The following PPP4R4 variants were observed in gnomAD, a reference collection of about 807,000 sequenced individuals.
PPP4R4 encodes the protein serine/threonine-protein phosphatase 4 regulatory subunit 4.
A neutral mutation model predicts 121.8 loss-of-function variants in PPP4R4; 70 were observed. That is an observed-to-expected ratio of 0.57 (90% confidence interval 0.47 to 0.70). PPP4R4 has a LOEUF of 0.70. Among genes scored for constraint, PPP4R4 ranks in the 30% least tolerant of loss-of-function variants. PPP4R4 has a pLI of 0.00. For synonymous variants in PPP4R4, 348 were observed against 355.7 expected, an observed-to-expected ratio of 0.98 and a Z score of 0.24; for missense variants, 875 against 1,033.6, an observed-to-expected ratio of 0.85 and a Z score of 2.10.
intron 3 of PPP4R4, among the ~76,000 whole-genome samples, chr14:94,215,984 T>C (rs1237965525): frequency 6.6e-6 from 1 of 152,216 alleles, no homozygotes; most frequent in Non-Finnish European, 1.5e-5. Flanking sequence ...AATATTGCCT[T>C]TCAGTAAATT....
intron 2 of PPP4R4, among the ~76,000 whole-genome samples, chr14:94,198,702 T>C (rs1244251965): frequency 2.6e-5 from 4 of 152,228 alleles, no homozygotes; most frequent in African/African-American, 4.8e-5. Context: ...ATTCTGTTTA[T>C]TGTTTCAGGT....
chr14:94,190,891 A>G (rs897710018), intron 2 of PPP4R4, among the ~76,000 whole-genome samples: 15 of 137,044 alleles, frequency 1.1e-4, no homozygotes, highest in African/African-American at 3.7e-4. Flanking sequence ...TTTTTTTACT[A>G]TGACCTTATC....
chr14:94,218,374 C>G lies in PPP4R4; in HGVS notation c.294+9808C>G, dbSNP rs947251117. On this transcript the variant is annotated intron_variant, in intron 3 of 24. Coordinates refer to ENST00000304338, the MANE Select transcript of PPP4R4 (RefSeq NM_058237.2). The stretch of plus-strand genomic sequence containing the variant: ...CACACACACCCTCACCCCTAGACAC[C>G]GCACGCGCGTGCACACACACACACA... Among the ~76,000 whole-genome samples, 4 of 142,840 alleles carry G rather than the reference C, an allele frequency of 2.8e-5. No homozygotes were observed. The East Asian group carries it at 6.3e-4, about 22-fold the overall frequency. 93.7% of individuals were successfully genotyped at this position (142,840 alleles called of 152,430 possible).
chr14:94,176,763 T>G (rs1888701029), intron 2 of PPP4R4, among the ~76,000 whole-genome samples: 1 of 152,230 alleles, frequency 6.6e-6, no homozygotes, highest in Non-Finnish European at 1.5e-5. Context: ...TCTTAAAAAC[T>G]AATACAGTGA....
chr14:94,273,297 TA>T lies in PPP4R4; in HGVS notation c.2450-2073del, dbSNP rs1392707707. The stretch of plus-strand genomic sequence containing the variant: ...CAGACAGTGGAATATTATGCAGTGC[TA>T]AAATGAAATGAGCTATCAGGCCATG... On this transcript the variant is annotated intron_variant, in intron 23 of 24. Coordinates refer to ENST00000304338, the MANE Select transcript of PPP4R4 (RefSeq NM_058237.2). 9.8e-5 allele frequency among the ~76,000 whole-genome samples: 15 copies of T among 152,294 alleles called. No individual in the cohort carries two copies. The East Asian group carries it at 2.5e-3, about 25-fold the overall frequency.
At chr14:94,259,242 T>C (rs1243634950) in intron 18 of PPP4R4, 53 bp from the exon 19 acceptor site, 3 of 1,553,352 alleles carry the variant, frequency 1.9e-6, no homozygotes, top group Non-Finnish European at 2.6e-6. Context: ...TATTTTAAAC[T>C]TGGCAGAAAC....
In PPP4R4 at chr14:94,279,476, G is replaced by T. The variant is rs1026779315; in HGVS notation, c.*833G>T. 1 of 152,550 alleles carries T rather than the reference G, an allele frequency of 6.6e-6. No individual in the cohort carries two copies. Among genetic ancestry groups the T allele is most frequent in the Non-Finnish European group, 1.5e-5 (1 of 68,032 alleles). The allele number at this position is 152,550 out of a possible 1,614,324, so 9.4% of individuals were successfully genotyped here. A position where few individuals can be genotyped will look rare whatever the true frequency, so the allele number is the denominator to read the frequency against. On this transcript the variant is annotated 3_prime_UTR_variant, in exon 25 of 25. Coordinates refer to ENST00000304338, the MANE Select transcript of PPP4R4 (RefSeq NM_058237.2). ...AATGCTAATATTTCCATCAAAATTT[G>T]CCTGTGGAATATATACAGTTCTTAA...
chr14:94,266,777 A>G (rs548800270), intron 22 of PPP4R4, among the ~76,000 whole-genome samples, 182 bp from the exon 23 acceptor site: 1 of 152,208 alleles, frequency 6.6e-6, no homozygotes, highest in African/African-American at 2.4e-5. Context: ...AAATGCTTTC[A>G]AGTTATAGAC....
chr14:94,174,916 C>A, intron 1 of PPP4R4, among the ~76,000 whole-genome samples: 1 of 150,802 alleles, frequency 6.6e-6, no homozygotes, highest in Non-Finnish European at 1.5e-5. Flanking sequence ...CAGGAACGGC[C>A]GAGCTCCAGC....
At chr14:94,189,276 A>G (rs1393629326) in intron 2 of PPP4R4, among the ~76,000 whole-genome samples, 2 of 152,168 alleles carry the variant, frequency 1.3e-5, no homozygotes, top group Non-Finnish European at 2.9e-5. Flanking sequence ...AATGTGAAGG[A>G]GATGTATTTT....
chr14:94,231,083 T>A (rs1892007228), intron 4 of PPP4R4, among the ~76,000 whole-genome samples, 159 bp from the exon 5 acceptor site: 1 of 152,220 alleles, frequency 6.6e-6, no homozygotes, highest in South Asian at 2.1e-4. Context: ...ATTTTCTAGA[T>A]GTTGACTGAG....
chr14:94,210,662 A>G (rs1890696287), intron 3 of PPP4R4, among the ~76,000 whole-genome samples: 1 of 152,162 alleles, frequency 6.6e-6, no homozygotes, highest in South Asian at 2.1e-4. Flanking sequence ...TAGACTGTAT[A>G]TTAGGAAGGT....
At chr14:94,231,174 A>G (rs1892011146) in intron 4 of PPP4R4, 68 bp from the exon 5 acceptor site, 2 of 1,220,314 alleles carry the variant, frequency 1.6e-6, no homozygotes, top group Non-Finnish European at 2.4e-6. Flanking sequence ...TGTAACTATT[A>G]ATGGCTGAGT....
chr14:94,179,961 T>TTTTGATTTTAGG (rs762657227), intron 2 of PPP4R4, among the ~76,000 whole-genome samples: 1 of 152,214 alleles, frequency 6.6e-6, no homozygotes, highest in Non-Finnish European at 1.5e-5. Flanking sequence ...CTTCTGATAT[T>TTTTGATTTTAGG]TTTGATTTTA....
intron 3 of PPP4R4, among the ~76,000 whole-genome samples, chr14:94,210,801 C>A (rs919550575): frequency 6.6e-6 from 1 of 152,122 alleles, no homozygotes; most frequent in African/African-American, 2.4e-5. Context: ...GTAATAATGA[C>A]TTTTATCGAT....
intron 19 of PPP4R4, among the ~76,000 whole-genome samples, chr14:94,263,007 A>G (rs1258985114): frequency 6.6e-6 from 1 of 152,004 alleles, no homozygotes; most frequent in African/African-American, 2.4e-5. Flanking sequence ...ATGCTTCTTT[A>G]TGAAGCATTG....
At chr14:94,221,147 T>C (rs1013099541) in intron 3 of PPP4R4, among the ~76,000 whole-genome samples, 1 of 152,132 alleles carries the variant, frequency 6.6e-6, no homozygotes, top group Non-Finnish European at 1.5e-5. Context: ...ATAGAGAGGA[T>C]AGACTTTTCA....
At chr14:94,258,598 T>C (rs1893601166) in intron 17 of PPP4R4, among the ~76,000 whole-genome samples, 185 bp from the exon 18 acceptor site, 1 of 152,182 alleles carries the variant, frequency 6.6e-6, no homozygotes, top group Non-Finnish European at 1.5e-5. Context: ...GACCCTGGCA[T>C]GATTGTATAA....
intron 11 of PPP4R4, among the ~76,000 whole-genome samples, chr14:94,243,222 C>T (rs1193017836): frequency 6.6e-6 from 1 of 152,002 alleles, no homozygotes; most frequent in Non-Finnish European, 1.5e-5. Context: ...TAAAAGAACG[C>T]TTTTTCTGGT....
Sources: gnomAD v4.1 joint callset for allele counts (sites outside exome capture counted in the v4.1 genomes callset) on GRCh38, gnomAD v4.1.1 for gene constraint, MANE v1.5 for transcripts, NCBI Gene and HGNC (gene_info 2026-07-23, HGNC 2026-07-21) for gene names.